The following RBM19 variants were observed in gnomAD, a reference collection of about 807,000 sequenced individuals.
RBM19 encodes probable RNA-binding protein 19.
Under a neutral mutation model 116.8 loss-of-function variants are expected in RBM19, and 94 were observed. The ratio of observed to expected loss-of-function variants is 0.80; its 90% confidence interval spans 0.68 to 0.95. The LOEUF (loss-of-function observed/expected upper bound fraction) is 0.95, where lower values mean the gene tolerates loss of function less well. Among genes scored for constraint, RBM19 ranks in the 40% least tolerant of loss-of-function variants. The pLI is 0.00. For synonymous variants in RBM19, 475 were observed against 494.1 expected (o/e 0.96, Z 0.51); for missense variants, 1,161 against 1,220.7 (o/e 0.95, Z 0.73).
chr12:113,927,926 C>T (rs1478735520), intron 16 of RBM19, among the ~76,000 whole-genome samples: 2 of 152,168 alleles, frequency 1.3e-5, no homozygotes, highest in Non-Finnish European at 2.9e-5. Context: ...TTAAAAATGT[C>T]GTTTCCGAAG....
intron 3 of RBM19, 21 bp from the exon 4 acceptor site, chr12:113,959,924 G>A (rs1166100395): frequency 3.1e-6 from 5 of 1,614,198 alleles, no homozygotes; most frequent in Non-Finnish European, 4.2e-6. Context: ...AAGGCACAGA[G>A]AGTGAGGGTC....
Position 113,826,728 on chromosome 12 carries a change from C to T in RBM19, c.2786-3407G>A, listed in dbSNP as rs75851013. On this transcript the variant is annotated intron_variant, in intron 23 of 23. Coordinates refer to ENST00000261741, the MANE Select transcript of RBM19 (RefSeq NM_016196.4). ...GCTGAAATGAGTAAAAAGGGCAATG[C>T]CCAGCCCCTGGCTCAGTCGATGGTG... 8.8e-3 allele frequency among the ~76,000 whole-genome samples: 1,335 copies of T among 152,318 alleles called. 28 individuals are homozygous for T. The highest frequency in any genetic ancestry group is 0.03 in the African/African-American group (1,256 of 41,558).
chr12:113,854,831 G>C (rs1877760608), intron 22 of RBM19, among the ~76,000 whole-genome samples: 1 of 152,218 alleles, frequency 6.6e-6, no homozygotes, highest in African/African-American at 2.4e-5. Flanking sequence ...AGCGAGACTG[G>C]GGAGGGAGAC....
chr12:113,832,557 G>A (rs971792222), intron 23 of RBM19, among the ~76,000 whole-genome samples: 4 of 152,216 alleles, frequency 2.6e-5, no homozygotes, highest in South Asian at 4.1e-4. Context: ...ACCCAGTCTC[G>A]GCCTTTCCTG....
chr12:113,853,098 C>T (rs16943317), intron 22 of RBM19, among the ~76,000 whole-genome samples: 10,761 of 152,288 alleles, frequency 0.071, 672 homozygotes, highest in East Asian at 0.34. Flanking sequence ...GAACACTCCT[C>T]GAGAGGCCCA....
chr12:113,944,690 G>A (rs1446220416), intron 13 of RBM19, among the ~76,000 whole-genome samples: 1 of 143,996 alleles, frequency 6.9e-6, no homozygotes, highest in East Asian at 2.0e-4. Flanking sequence ...AGCCACTCGG[G>A]AGGTGAGGTG....
chr12:113,952,804 C>CA (rs1199077532), intron 7 of RBM19, among the ~76,000 whole-genome samples: 1 of 152,106 alleles, frequency 6.6e-6, no homozygotes, highest in Non-Finnish European at 1.5e-5. Flanking sequence ...TATAAAATAG[C>CA]AGTGTCACTA....
At position 113,823,367 on chromosome 12, in the gene RBM19, G is replaced by A. The variant is rs956686561; in HGVS notation, c.2786-46C>T. 8.4e-6 allele frequency: 13 copies of A among 1,544,168 alleles called. 1 individual carries two copies. The highest frequency in any genetic ancestry group is 1.7e-4 in the Middle Eastern group (1 of 5,908). Reference sequence around the variant, plus strand: ...AGAGAGGAGAAAAGAACAGCCGAGAGGGTTGGGAGGCAGGAAGAGAGAAAT... The same window carrying A: ...AGAGAGGAGAAAAGAACAGCCGAGAAGGTTGGGAGGCAGGAAGAGAGAAAT... On this transcript the variant is annotated intron_variant, in intron 23 of 23. Transcript: ENST00000261741.
chr12:113,824,556 C>T (rs141426288), intron 23 of RBM19, among the ~76,000 whole-genome samples: 167 of 152,150 alleles, frequency 1.1e-3, no homozygotes, highest in Non-Finnish European at 6.6e-4. Flanking sequence ...GGCTCAAACA[C>T]CTCCCCAAAT....
intron 23 of RBM19, among the ~76,000 whole-genome samples, chr12:113,837,249 A>ACACAC (rs1876041178): frequency 6.9e-6 from 1 of 145,704 alleles, no homozygotes; most frequent in Non-Finnish European, 1.5e-5. Context: ...CTCCTAATAC[A>ACACAC]CACACACACA....
chr12:113,848,998 A>G (rs1877223710), intron 22 of RBM19, among the ~76,000 whole-genome samples: 4 of 152,216 alleles, frequency 2.6e-5, no homozygotes, highest in African/African-American at 9.6e-5. Flanking sequence ...TATTTCAATG[A>G]ATGGGAAACT....
intron 5 of RBM19, among the ~76,000 whole-genome samples, chr12:113,958,701 G>A (rs573684338): frequency 1.3e-5 from 2 of 152,144 alleles, no homozygotes; most frequent in African/African-American, 4.8e-5. Context: ...CACCAAGCAC[G>A]TACCCTCCTG....
Position 113,870,920 on chromosome 12 carries a change from T to C in RBM19, c.2559-12024A>G, listed in dbSNP as rs571473114. ...TGACACACCTCAACATCCAGACACA[T>C]CTACATGGTTTCCAGAGGGCATCTC... On this transcript the variant is annotated intron_variant, in intron 21 of 23. Coordinates refer to ENST00000261741, the MANE Select transcript of RBM19 (RefSeq NM_016196.4). Among the ~76,000 whole-genome samples, 3 of 152,244 alleles carry C rather than the reference T, an allele frequency of 2.0e-5. No individual in the cohort carries two copies. The South Asian group carries it at 6.2e-4, about 32-fold the overall frequency.
chr12:113,959,140 C>A (rs1266720826), intron 5 of RBM19, 72 bp downstream of exon 5: 6 of 1,529,440 alleles, frequency 3.9e-6, no homozygotes, highest in East Asian at 2.3e-5. Context: ...CACAGAGGGG[C>A]CCCCAGTGCC....
chr12:113,821,585 G>A (rs1011297980), downstream of RBM19, among the ~76,000 whole-genome samples: 5 of 152,152 alleles, frequency 3.3e-5, no homozygotes, highest in Admixed American at 3.3e-4. Context: ...CCAGAAGGCT[G>A]TGGTTGATGT....
chr12:113,856,660 C>T (rs921016801), intron 22 of RBM19, among the ~76,000 whole-genome samples: 2 of 152,166 alleles, frequency 1.3e-5, no homozygotes, highest in African/African-American at 4.8e-5. Flanking sequence ...GTTGACATCA[C>T]AAGAGGCCCA....
At position 113,825,520 on chromosome 12, in the gene RBM19, C is replaced by A. The variant is rs1874783376; in HGVS notation, c.2786-2199G>T. 6.6e-6 allele frequency among the ~76,000 whole-genome samples: 1 copy of A among 152,156 alleles called. No individual in the cohort carries two copies. Among genetic ancestry groups the A allele is most frequent in the Non-Finnish European group, 1.5e-5 (1 of 68,032 alleles). On this transcript the variant is annotated intron_variant, in intron 23 of 23. Transcript: ENST00000261741. This position sits in a 1 kb window ranked among gnomAD's most constrained non-coding sequence, Gnocchi z 5.7. ...GAAAATAGAACGCAACAAAACAGGGCCCACAGGCGATCACTGACGCCCCTC... is the reference window on the plus strand; with the variant it reads ...GAAAATAGAACGCAACAAAACAGGGACCACAGGCGATCACTGACGCCCCTC...
intron 23 of RBM19, among the ~76,000 whole-genome samples, chr12:113,823,724 G>C (rs1874620096): frequency 6.6e-6 from 1 of 152,152 alleles, no homozygotes; most frequent in African/African-American, 2.4e-5. Context: ...AGAAAAAAGA[G>C]AGAAAGGGTC....
intron 21 of RBM19, among the ~76,000 whole-genome samples, chr12:113,904,735 G>A (rs1881931598): frequency 6.6e-6 from 1 of 152,174 alleles, no homozygotes; most frequent in Non-Finnish European, 1.5e-5. Context: ...TTGGCATCAC[G>A]ACTGTGGCCA....
Sources: gnomAD v4.1 joint callset for allele counts (sites outside exome capture counted in the v4.1 genomes callset) on GRCh38, gnomAD v4.1.1 for gene constraint, Gnocchi (gnomAD v3.1) non-coding constraint, MANE v1.5 for transcripts, NCBI Gene and HGNC (gene_info 2026-07-23, HGNC 2026-07-21) for gene names.